EIF2AK4: variants seen among roughly 807,000 people sequenced by gnomAD.
EIF2AK4 encodes eIF-2-alpha kinase GCN2.
In EIF2AK4, 139 loss-of-function variants were observed where a neutral mutation model predicts 211.1. That is an observed-to-expected ratio of 0.66 (90% confidence interval 0.57 to 0.76). The LOEUF (loss-of-function observed/expected upper bound fraction) is 0.76. EIF2AK4 is among the 30% of genes least tolerant of loss of function. EIF2AK4 has a pLI of 0.00. For synonymous variants in EIF2AK4, 710 were observed against 751.3 expected, an observed-to-expected ratio of 0.94 and a Z score of 0.90; for missense variants, 1,664 against 2,043.8, an observed-to-expected ratio of 0.81 and a Z score of 3.58.
chr15:40,017,123 G>A lies in EIF2AK4; in HGVS notation c.3946G>A (p.Gly1316Ser), dbSNP rs1043094300. 7 of 1,612,832 alleles carry A rather than the reference G, an allele frequency of 4.3e-6. No homozygotes were observed. The African/African-American group carries it at 8.0e-5, about 18-fold the overall frequency. Reference protein sequence around the residue: ...GIKLQVLINLGLVYKVQQHNG... With the variant: ...GIKLQVLINLSLVYKVQQHNG... ...CTCTTTATAGGTCTTGATCAATTTG[G>A]GCTTGGTTTACAAGGTGCAGCAGCA... The change falls in exon 29 of 39, where the codon GGC becomes AGC. Residue 1316 changes from glycine (G) to serine (S), a missense_variant. Gly to Ser is a moderately conservative substitution (Grantham distance 56). Coordinates refer to ENST00000263791, the MANE Select transcript of EIF2AK4 (RefSeq NM_001013703.4).
chr15:39,987,194 G>A (rs2140925483), intron 14 of EIF2AK4, among the ~76,000 whole-genome samples: 1 of 152,318 alleles, frequency 6.6e-6, no homozygotes, highest in Non-Finnish European at 1.5e-5. Context: ...CAATTAGAAT[G>A]AGATAGAAGT....
At position 40,003,344 on chromosome 15, in the gene EIF2AK4, A is replaced by G. The variant is rs200108448; in HGVS notation, c.3357+30A>G. 459 of 1,612,690 alleles carry G rather than the reference A, an allele frequency of 2.8e-4. 1 individual carries two copies. Among genetic ancestry groups the G allele is most frequent in the Non-Finnish European group, 3.6e-4 (430 of 1,179,342 alleles). ...GGCTGGGAACACACTGCTGACAATC[A>G]GAATGCTGTATCTAGTCACAGGGAT... On this transcript the variant is annotated intron_variant, in intron 23 of 38. Transcript: ENST00000263791.
chr15:39,937,745 A>T (rs1012632729), intron 1 of EIF2AK4, among the ~76,000 whole-genome samples: 2 of 151,956 alleles, frequency 1.3e-5, no homozygotes, highest in East Asian at 3.9e-4. Context: ...TCTTCGTTCC[A>T]TCAAAGTACG....
In EIF2AK4 at chr15:40,026,126, A is replaced by T. The variant is rs1391454672; in HGVS notation, c.4502+37A>T. 4 of 1,557,266 alleles carry T rather than the reference A, an allele frequency of 2.6e-6. No homozygotes were observed. The East Asian group carries it at 9.0e-5, about 35-fold the overall frequency. The stretch of plus-strand genomic sequence containing the variant: ...AACAAAAGCCGAGAAAAGTGACTTC[A>T]GTTACCTATATGGAAACTACGTAAA... On this transcript the variant is annotated intron_variant, in intron 33 of 38. Coordinates refer to ENST00000263791, the MANE Select transcript of EIF2AK4 (RefSeq NM_001013703.4).
intron 9 of EIF2AK4, among the ~76,000 whole-genome samples, chr15:39,972,188 A>G (rs954885511): frequency 2.6e-5 from 4 of 152,058 alleles, no homozygotes; most frequent in African/African-American, 7.2e-5. Context: ...GTGAAACCCT[A>G]TCTCTACAAA....
intron 23 of EIF2AK4, among the ~76,000 whole-genome samples, chr15:40,006,794 G>A (rs1413263430): frequency 6.6e-6 from 1 of 152,122 alleles, no homozygotes; most frequent in Non-Finnish European, 1.5e-5. Flanking sequence ...TAAGGTTGAT[G>A]GTATGTCTAG....
At chr15:40,018,205 A>G (rs929411367) in intron 29 of EIF2AK4, among the ~76,000 whole-genome samples, 1 of 152,108 alleles carries the variant, frequency 6.6e-6, no homozygotes, top group African/African-American at 2.4e-5. Context: ...ATTTACCCCA[A>G]ATTTCTGGTT....
intron 1 of EIF2AK4, among the ~76,000 whole-genome samples, chr15:39,938,221 GAC>G (rs2034095489): frequency 6.6e-6 from 1 of 152,244 alleles, no homozygotes; most frequent in Non-Finnish European, 1.5e-5. Context: ...CACAGTGCCT[GAC>G]ACAGAGTCAG....
In EIF2AK4 at chr15:39,976,695, G is replaced by C; in HGVS notation, c.2100G>C (p.Ala700=). Residue 700 remains alanine, a synonymous_variant, in exon 12 of 39, where the codon GCG becomes GCC. Coordinates refer to ENST00000263791, the MANE Select transcript of EIF2AK4 (RefSeq NM_001013703.4). ...TDGLDSVEAA[A]PPPILSSSVE... is the part of the protein sequence containing the mutation. ...GCCTGGACAGCGTAGAGGCCGCCGC[G>C]CCGCCACCCATCCTCAGCAGCTCGG... 6.2e-7 allele frequency: 1 copy of C among 1,600,868 alleles called. No individual in the cohort carries two copies.
chr15:39,982,589 G>A (rs867075756), intron 13 of EIF2AK4, among the ~76,000 whole-genome samples: 1 of 151,106 alleles, frequency 6.6e-6, no homozygotes, highest in Admixed American at 6.6e-5. Context: ...GGATACATGT[G>A]CAGAACATGC....
chr15:39,963,517 T>C (rs976698134), intron 7 of EIF2AK4, among the ~76,000 whole-genome samples: 3 of 152,228 alleles, frequency 2.0e-5, no homozygotes, highest in Non-Finnish European at 2.9e-5. Context: ...TATGCCCTAA[T>C]TGTCTATGAA....
chr15:39,965,964 G>A (rs1269398121), intron 8 of EIF2AK4, 121 bp downstream of exon 8: 1 of 1,340,398 alleles, frequency 7.5e-7, no homozygotes, highest in African/African-American at 1.5e-5. Flanking sequence ...TATGAGAACT[G>A]TTTGACCAGG....
chr15:40,024,642 C>T (rs551716118), intron 32 of EIF2AK4, among the ~76,000 whole-genome samples: 1 of 151,534 alleles, frequency 6.6e-6, no homozygotes, highest in South Asian at 2.1e-4. Flanking sequence ...TCATGATCCA[C>T]CCACCTCGGC....
intron 21 of EIF2AK4, among the ~76,000 whole-genome samples, chr15:40,001,633 C>A (rs1234655510): frequency 1.8e-3 from 215 of 120,272 alleles, no homozygotes; most frequent in Middle Eastern, 4.3e-3. Context: ...GACCCCAACT[C>A]AAAAAAAAAA....
At chr15:39,976,294 G>A in intron 11 of EIF2AK4, 120 bp from the exon 12 acceptor site, 1 of 1,088,918 alleles carries the variant, frequency 9.2e-7, no homozygotes. Context: ...TGTGGTTCTT[G>A]ACTGTAGCTG....
intron 30 of EIF2AK4, 87 bp downstream of exon 30, chr15:40,019,287 G>T: frequency 1.0e-6 from 1 of 985,502 alleles, no homozygotes; most frequent in East Asian, 2.8e-5. Context: ...ATTTACATGG[G>T]GCTTCTGATG....
chr15:39,969,047 C>A (rs2034584511), intron 9 of EIF2AK4, among the ~76,000 whole-genome samples: 1 of 151,948 alleles, frequency 6.6e-6, no homozygotes, highest in African/African-American at 2.4e-5. Context: ...TTTAAATGCA[C>A]CCTAACAATG....
intron 23 of EIF2AK4, among the ~76,000 whole-genome samples, chr15:40,005,068 T>G (rs1209817090): frequency 2.6e-5 from 4 of 152,176 alleles, no homozygotes. Context: ...AAGGGATGTA[T>G]AGGCATAGTA....
chr15:39,996,928 C>G (rs1274089747), intron 18 of EIF2AK4, 36 bp from the exon 19 acceptor site: 1 of 1,408,216 alleles, frequency 7.1e-7, no homozygotes, highest in East Asian at 2.3e-5. Flanking sequence ...ACTTTCATAT[C>G]AAGGCTCTCT....
Sources: allele counts gnomAD v4.1 joint callset (sites outside exome capture counted in the v4.1 genomes callset), GRCh38; gene constraint gnomAD v4.1.1; transcripts MANE v1.5; gene names NCBI Gene and HGNC (gene_info 2026-07-23, HGNC 2026-07-21).